The following KCNJ3 variants were observed in gnomAD, a reference collection of about 807,000 sequenced individuals.
The protein encoded by KCNJ3 is G protein-activated inward rectifier potassium channel 1.
KCNJ3 carries 4 observed loss-of-function variants against 39.2 expected under a neutral mutation model. The observed-to-expected ratio is 0.10, with a 90% CI of 0.05 to 0.23. The LOEUF (loss-of-function observed/expected upper bound fraction) is 0.23. Among genes scored for constraint, KCNJ3 ranks in the 10% least tolerant of loss-of-function variants. The pLI is 1.00. For synonymous variants in KCNJ3, 230 were observed against 237.4 expected, an observed-to-expected ratio of 0.97 and a Z score of 0.29; for missense variants, 276 against 634.9, an observed-to-expected ratio of 0.43 and a Z score of 6.08.
At chr2:154,781,250 A>T (rs1024883989) in intron 2 of KCNJ3, among the ~76,000 whole-genome samples, 2 of 152,146 alleles carry the variant, frequency 1.3e-5, no homozygotes, top group African/African-American at 2.4e-5. Flanking sequence ...TAATTTATAG[A>T]ACTGTAAAAT....
At chr2:154,817,817 C>T (rs542276320) in intron 2 of KCNJ3, among the ~76,000 whole-genome samples, 1 of 151,112 alleles carries the variant, frequency 6.6e-6, no homozygotes, top group Non-Finnish European at 1.5e-5. Context: ...GTATTTTAAC[C>T]TTTGTTTTAC....
intron 2 of KCNJ3, among the ~76,000 whole-genome samples, chr2:154,814,471 G>A (rs1233650101): frequency 6.6e-6 from 1 of 151,792 alleles, no homozygotes; most frequent in African/African-American, 2.4e-5. Flanking sequence ...AACCTCGTCT[G>A]TACTAAAAAT....
intron 2 of KCNJ3, among the ~76,000 whole-genome samples, chr2:154,712,243 C>G (rs189821682): frequency 1.5e-3 from 229 of 152,232 alleles, no homozygotes; most frequent in African/African-American, 5.2e-3. Context: ...TCCATTTGAT[C>G]ATTTAAAATT....
At chr2:154,700,877 A>G (rs1159368904) in intron 1 of KCNJ3, among the ~76,000 whole-genome samples, 1 of 152,208 alleles carries the variant, frequency 6.6e-6, no homozygotes, top group Non-Finnish European at 1.5e-5. Flanking sequence ...TGCTACATAC[A>G]GTAAATAAAC....
intron 2 of KCNJ3, among the ~76,000 whole-genome samples, chr2:154,715,248 C>T (rs1299689022): frequency 6.6e-6 from 1 of 152,160 alleles, no homozygotes; most frequent in Non-Finnish European, 1.5e-5. Context: ...TAGCAAAATA[C>T]TGCCTGGTAA....
chr2:154,838,608 G>T (rs1160551208), intron 2 of KCNJ3, among the ~76,000 whole-genome samples: 1 of 152,176 alleles, frequency 6.6e-6, no homozygotes, highest in Non-Finnish European at 1.5e-5. Flanking sequence ...GTAATGGTAA[G>T]TTAGAACTAG....
Position 154,703,479 on chromosome 2 carries a change from A to ATGTGTGTGTG in KCNJ3, c.702+4020_702+4029dup, listed in dbSNP as rs3138640. 7.2e-4 allele frequency among the ~76,000 whole-genome samples: 107 copies of ATGTGTGTGTG among 148,288 alleles called. 1 individual carries two copies. The highest frequency in any genetic ancestry group is 3.2e-3 in the South Asian group (15 of 4,702). Reference sequence around the variant, plus strand: ...TCACCTTCTTTTATCCTCCATATATATGTGTGTGTGTGTGTGTGTGTGTGT... The same window carrying ATGTGTGTGTG: ...TCACCTTCTTTTATCCTCCATATATATGTGTGTGTGTGTGTGTGTGTGTGTGTGTGTGTGT... On this transcript the variant is annotated intron_variant, in intron 1 of 2. Coordinates refer to ENST00000295101, the MANE Select transcript of KCNJ3 (RefSeq NM_002239.4).
At chr2:154,723,119 CAAA>C (rs758946637) in intron 2 of KCNJ3, among the ~76,000 whole-genome samples, 29 of 151,824 alleles carry the variant, frequency 1.9e-4, no homozygotes, top group Admixed American at 3.3e-4. Context: ...CCTCTATCTG[CAAA>C]AATTACAAAA....
chr2:154,714,031 C>T (rs757414488), intron 2 of KCNJ3, among the ~76,000 whole-genome samples: 11 of 152,168 alleles, frequency 7.2e-5, no homozygotes, highest in Admixed American at 1.3e-4. Context: ...TCCTTTATCT[C>T]TATTCTTTTC....
intron 2 of KCNJ3, among the ~76,000 whole-genome samples, chr2:154,771,091 A>G (rs1004747918): frequency 4.6e-5 from 7 of 152,076 alleles, no homozygotes; most frequent in African/African-American, 1.2e-4. Flanking sequence ...AGGTTTCACT[A>G]TGTTGGCCAG....
intron 2 of KCNJ3, among the ~76,000 whole-genome samples, chr2:154,818,343 C>T (rs1324553713): frequency 6.6e-6 from 1 of 151,624 alleles, no homozygotes; most frequent in African/African-American, 2.4e-5. Context: ...AAACTAGATA[C>T]ATGTTTTTTT....
chr2:154,707,229 A>G (rs965065615), intron 1 of KCNJ3, among the ~76,000 whole-genome samples: 5 of 152,076 alleles, frequency 3.3e-5, no homozygotes, highest in Admixed American at 1.3e-4. Context: ...ATAGGATATC[A>G]AGTATTTGAG....
intron 2 of KCNJ3, among the ~76,000 whole-genome samples, chr2:154,829,716 A>ATAAG (rs1462798606): frequency 5.9e-5 from 9 of 152,272 alleles, no homozygotes; most frequent in African/African-American, 2.2e-4. Context: ...TTTTCAGTGT[A>ATAAG]TAAGTGTTCC....
chr2:154,759,718 A>G (rs1460354908), intron 2 of KCNJ3, among the ~76,000 whole-genome samples: 4 of 152,148 alleles, frequency 2.6e-5, no homozygotes, highest in African/African-American at 9.6e-5. Context: ...AAGCCCATGA[A>G]AATGAATATT....
chr2:154,718,432 T>C (rs545414268), intron 2 of KCNJ3, among the ~76,000 whole-genome samples: 213 of 152,276 alleles, frequency 1.4e-3, no homozygotes, highest in Non-Finnish European at 2.2e-3. Flanking sequence ...GTGACAACTG[T>C]CTTAGTTTGC....
chr2:154,780,198 A>G (rs1293872554), intron 2 of KCNJ3, among the ~76,000 whole-genome samples: 2 of 152,186 alleles, frequency 1.3e-5, no homozygotes, highest in African/African-American at 2.4e-5. Context: ...GCACAAATGC[A>G]GGAGGCAGCC....
chr2:154,712,016 C>T (rs1441154314), intron 2 of KCNJ3, among the ~76,000 whole-genome samples: 3 of 152,058 alleles, frequency 2.0e-5, no homozygotes, highest in African/African-American at 7.2e-5. Context: ...TCCTCTTAAC[C>T]TCTTAATTAA....
chr2:154,755,631 C>T, intron 2 of KCNJ3, among the ~76,000 whole-genome samples: 1 of 150,378 alleles, frequency 6.6e-6, no homozygotes, highest in Admixed American at 6.7e-5. Context: ...TCTACGAGGG[C>T]ATAAATACTT....
At chr2:154,715,714 C>T (rs1272076349) in intron 2 of KCNJ3, among the ~76,000 whole-genome samples, 3 of 152,146 alleles carry the variant, frequency 2.0e-5, no homozygotes, top group African/African-American at 7.2e-5. Flanking sequence ...CATGTTATAA[C>T]TGGCTTTATT....
Sources: allele counts gnomAD v4.1 joint callset (sites outside exome capture counted in the v4.1 genomes callset), GRCh38; gene constraint gnomAD v4.1.1; transcripts MANE v1.5; gene names NCBI Gene and HGNC (gene_info 2026-07-23, HGNC 2026-07-21).